FAM186A: variants seen among roughly 807,000 people sequenced by gnomAD.
The protein encoded by FAM186A is protein FAM186A.
A neutral mutation model predicts 216.8 loss-of-function variants in FAM186A; 163 were observed. That is an observed-to-expected ratio of 0.75 (90% confidence interval 0.66 to 0.86). The LOEUF (loss-of-function observed/expected upper bound fraction) is 0.86. Ranked by LOEUF, FAM186A falls within the 40% of genes least tolerant of loss-of-function variation. The pLI is 0.00. For missense variants in FAM186A, 2,184 were observed against 2,746.2 expected, an observed-to-expected ratio of 0.80 and a Z score of 4.58; for synonymous variants, 805 against 1,025.3, an observed-to-expected ratio of 0.79 and a Z score of 4.10.
At position 50,355,222 on chromosome 12, in the gene FAM186A, C is replaced by T. The variant is rs549946877; in HGVS notation, c.1610G>A (p.Ser537Asn). ...LTETKSQGGKSGTSMMMLEQF... is the reference protein window; with the variant it reads ...LTETKSQGGKNGTSMMMLEQF... ...CTCCAACATCATCATACTTGTTCCA[C>T]TTTTGCCACCTTGGCTCTTTGTTTC... The change falls in exon 4 of 8, where the codon AGT becomes AAT. Residue 537 changes from serine (S) to asparagine (N), a missense_variant. By Grantham distance (46) the Ser-to-Asn change is conservative. Around this residue, in one of 7 missense-constraint regions of FAM186A, gnomAD observed 1,132 missense variants for 1,263.4 expected, o/e 0.90. Transcript: ENST00000327337. 2.2e-5 allele frequency: 34 copies of T among 1,551,650 alleles called. No homozygotes were observed. The East Asian group carries it at 6.4e-4, about 29-fold the overall frequency.
chr12:50,356,118 T>A lies in FAM186A; in HGVS notation c.714A>T (p.Gln238His). The A allele has an allele frequency of 6.4e-7, 1 of 1,551,696 alleles. No homozygotes were observed. The highest frequency in any genetic ancestry group is 8.7e-7 in the Non-Finnish European group (1 of 1,146,972). ...LATNTKVSEIQGMLQELIGTT... is the reference protein window; with the variant it reads ...LATNTKVSEIHGMLQELIGTT... ...TGCCTATGAGTTCCTGTAGCATACC[T>A]TGGATTTCTGAAACCTTTGTATTTG... The change falls in exon 4 of 8, where the codon CAA (glutamine) becomes CAT (histidine). Residue 238 changes from glutamine (Q) to histidine (H), a missense_variant. Coordinates refer to ENST00000327337, the MANE Select transcript of FAM186A (RefSeq NM_001145475.3).
intron 3 of FAM186A, among the ~76,000 whole-genome samples, chr12:50,357,480 CAA>C (rs1942989242): frequency 8.2e-6 from 1 of 121,934 alleles, no homozygotes; most frequent in Admixed American, 9.7e-5. Flanking sequence ...TCAGCCTGGG[CAA>C]AGAGTGAGAC....
Position 50,351,404 on chromosome 12 carries a change from A to G in FAM186A, c.5428T>C (p.Ser1810Pro). 1 of 1,468,104 alleles carries G rather than the reference A, an allele frequency of 6.8e-7. No individual in the cohort carries two copies. The highest frequency in any genetic ancestry group is 9.0e-7 in the Non-Finnish European group (1 of 1,110,916). 90.9% of individuals were successfully genotyped at this position (1,468,104 alleles called of 1,614,324 possible). The part of the protein sequence containing the change: ...QTLVYGGQST[S>P]AQFPAPQAPP... ...GCCTGTGGTGCCGGGAACTGCGCAG[A>G]AGTGGATTGACCTCCGTATACCAGG... Residue 1810 changes from serine (S) to proline (P), a missense_variant, in exon 4 of 8, where the codon TCT becomes CCT. This residue lies in a region of FAM186A where 721 missense variants were observed against 816.4 expected (regional missense o/e 0.88). Transcript: ENST00000327337.
chr12:50,330,380 C>A (rs949310229), intron 7 of FAM186A, among the ~76,000 whole-genome samples, 193 bp downstream of exon 7: 1 of 152,100 alleles, frequency 6.6e-6, no homozygotes, highest in Non-Finnish European at 1.5e-5. Context: ...CATCTATAGG[C>A]CTATGATTAG....
At position 50,350,950 on chromosome 12, in the gene FAM186A, G is replaced by A. The variant is rs759600677; in HGVS notation, c.5882C>T (p.Ser1961Phe). Residue 1961 changes from serine to phenylalanine, a missense_variant, in exon 4 of 8, where the codon TCT becomes TTT. Transcript: ENST00000327337. ...GATCAATACTGATTTAGATTTCAGAGAAGAAATAATTGCCAATCTTTTCTT... is the reference window on the plus strand; with the variant it reads ...GATCAATACTGATTTAGATTTCAGAAAAGAAATAATTGCCAATCTTTTCTT... ...VAKKRLAIIS[S>F]LKSKSVLIHP... 6.4e-7 allele frequency: 1 copy of A among 1,551,402 alleles called. No homozygotes were observed. The highest frequency in any genetic ancestry group is 1.2e-5 in the South Asian group (1 of 84,008).
intron 1 of FAM186A, among the ~76,000 whole-genome samples, chr12:50,386,158 G>GGCT (rs1943301266): frequency 6.6e-6 from 1 of 152,180 alleles, no homozygotes; most frequent in Non-Finnish European, 1.5e-5. Context: ...GCCAGGCATA[G>GGCT]TAGCTTACGC....
Position 50,354,842 on chromosome 12 carries a change from T to C in FAM186A, c.1990A>G (p.Ser664Gly). ...AATTCTTCGAGGTTACTCTGTTCAC[T>C]TTTGCCATCTGGACTTTCTAGAACT... is the stretch of plus-strand genomic sequence containing the variant. ...TRVLESPDGK[S>G]EQSNLEEFQE... Residue 664 changes from serine to glycine, a missense_variant, in exon 4 of 8, where the codon AGT (serine) becomes GGT (glycine). This residue lies in a region of FAM186A where 1,132 missense variants were observed against 1,263.4 expected (regional missense o/e 0.90). Coordinates refer to ENST00000327337, the MANE Select transcript of FAM186A (RefSeq NM_001145475.3). 3 of 1,545,530 alleles carry C rather than the reference T, an allele frequency of 1.9e-6. No individual in the cohort carries two copies. Among genetic ancestry groups the C allele is most frequent in the Non-Finnish European group, 2.6e-6 (3 of 1,145,758 alleles).
chr12:50,381,595 T>C (rs889264472), intron 1 of FAM186A, among the ~76,000 whole-genome samples: 1 of 152,108 alleles, frequency 6.6e-6, no homozygotes, highest in African/African-American at 2.4e-5. Flanking sequence ...GATGGAAAGA[T>C]ATTCTGTGTA....
At chr12:50,390,452 C>G (rs187257913) in intron 1 of FAM186A, among the ~76,000 whole-genome samples, 1 of 152,090 alleles carries the variant, frequency 6.6e-6, no homozygotes, top group African/African-American at 2.4e-5. Context: ...TTCATTCGAC[C>G]GAGGAATTTC....
At chr12:50,336,035 G>A (rs1353277422) in intron 4 of FAM186A, among the ~76,000 whole-genome samples, 1 of 150,674 alleles carries the variant, frequency 6.6e-6, no homozygotes, top group Non-Finnish European at 1.5e-5. Flanking sequence ...TGAGGCAGGA[G>A]AATCACTTGA....
intron 1 of FAM186A, among the ~76,000 whole-genome samples, chr12:50,394,732 C>CATTTTT (rs1943396282): frequency 3.4e-5 from 1 of 29,384 alleles, no homozygotes; most frequent in Non-Finnish European, 5.6e-5. Flanking sequence ...GGCTAACACT[C>CATTTTT]TTTTTTTTTT....
chr12:50,340,782 T>C (rs1044302681), intron 4 of FAM186A, among the ~76,000 whole-genome samples: 2 of 141,960 alleles, frequency 1.4e-5, no homozygotes, highest in Non-Finnish European at 3.0e-5. Flanking sequence ...AATGTCTAAT[T>C]ATCATCATCT....
chr12:50,376,177 C>T (rs1037638526), intron 1 of FAM186A, among the ~76,000 whole-genome samples: 1 of 152,194 alleles, frequency 6.6e-6, no homozygotes, highest in African/African-American at 2.4e-5. Flanking sequence ...AGGATCACCA[C>T]TTTTCACTCA....
chr12:50,332,804 G>A (rs1374832798), intron 5 of FAM186A, among the ~76,000 whole-genome samples: 1 of 152,150 alleles, frequency 6.6e-6, no homozygotes, highest in South Asian at 2.1e-4. Flanking sequence ...GCCATGGGCG[G>A]TTCACTTGAG....
At chr12:50,383,684 C>T (rs1367681779) in intron 1 of FAM186A, among the ~76,000 whole-genome samples, 1 of 152,160 alleles carries the variant, frequency 6.6e-6, no homozygotes, top group Non-Finnish European at 1.5e-5. Flanking sequence ...CTGTTGGCTG[C>T]AGCAGGCTGG....
chr12:50,357,152 C>CT (rs1320098314), intron 3 of FAM186A, among the ~76,000 whole-genome samples: 3 of 152,112 alleles, frequency 2.0e-5, no homozygotes, highest in Non-Finnish European at 4.4e-5. Flanking sequence ...TCTCTTTTCT[C>CT]TTTTTTCTGA....
rs549270785 is a variant in FAM186A at position 50,342,719 on chromosome 12, C to T, written c.6503+7610G>A. 8.9e-4 allele frequency among the ~76,000 whole-genome samples: 134 copies of T among 150,840 alleles called. 1 individual carries two copies. Among genetic ancestry groups the T allele is most frequent in the African/African-American group, 3.1e-3 (126 of 41,236 alleles). Reference sequence around the variant, plus strand: ...TCTCGATCTGATCTCGTGATCCACCCGCCTCAGCCTCCCAAAGTGCTGGGA... The same window carrying T: ...TCTCGATCTGATCTCGTGATCCACCTGCCTCAGCCTCCCAAAGTGCTGGGA... On this transcript the variant is annotated intron_variant, in intron 4 of 7. Coordinates refer to ENST00000327337, the MANE Select transcript of FAM186A (RefSeq NM_001145475.3).
At chr12:50,390,664 C>T (rs1423921945) in intron 1 of FAM186A, among the ~76,000 whole-genome samples, 1 of 152,122 alleles carries the variant, frequency 6.6e-6, no homozygotes, top group Non-Finnish European at 1.5e-5. Context: ...GTTAGGTTTA[C>T]AAATTCAGTG....
rs745734718 is a variant in FAM186A, at chr12:50,353,677, G to C, written c.3155C>G (p.Pro1052Arg). 1.8e-5 allele frequency: 27 copies of C among 1,537,144 alleles called. No individual in the cohort carries two copies. The highest frequency in any genetic ancestry group is 1.2e-4 in the African/African-American group (9 of 72,308). ...TCCAGGCAGGGAGTATTGTAGGGAG[G>C]GGGGAGGTGTGATTGATATGGGCTC... ...EKEPISITPP[P>R]SLQYSLPGAL... is the part of the protein sequence containing the mutation. The change falls in exon 4 of 8, where the codon CCC becomes CGC. Residue 1052 changes from proline (P) to arginine (R), a missense_variant. By Grantham distance (103) the Pro-to-Arg change is moderately radical (BLOSUM62 -2). Coordinates refer to ENST00000327337, the MANE Select transcript of FAM186A (RefSeq NM_001145475.3).
Sources: gnomAD v4.1 joint callset for allele counts (sites outside exome capture counted in the v4.1 genomes callset) on GRCh38, gnomAD v4.1.1 for gene constraint, gnomAD v4.1.1 regional missense constraint, MANE v1.5 for transcripts, NCBI Gene and HGNC (gene_info 2026-07-23, HGNC 2026-07-21) for gene names.